The following POLR3E variants were observed in gnomAD, a reference collection of about 807,000 sequenced individuals.
POLR3E encodes RNA polymerase III subunit E, also known as DNA-directed RNA polymerase III subunit RPC5.
POLR3E carries 41 observed loss-of-function variants against 96.6 expected under a neutral mutation model. The observed-to-expected ratio is 0.42, with a 90% CI of 0.33 to 0.55. The LOEUF (loss-of-function observed/expected upper bound fraction) is 0.55. Ranked by LOEUF, POLR3E falls within the 20% of genes least tolerant of loss-of-function variation. The pLI is 0.06. For missense variants in POLR3E, 849 were observed against 952.1 expected, an observed-to-expected ratio of 0.89 and a Z score of 1.43; for synonymous variants, 396 against 383.6, an observed-to-expected ratio of 1.03 and a Z score of -0.38.
rs773451208 is a variant in POLR3E at position 22,325,219 on chromosome 16, A to G, written c.1301A>G (p.Tyr434Cys). 2 of 1,613,348 alleles carry G rather than the reference A, an allele frequency of 1.2e-6. No homozygotes were observed. Among genetic ancestry groups the G allele is most frequent in the Admixed American group, 1.7e-5 (1 of 59,986 alleles). ...CTTCTTTTCAGACTGGAAAAAGTCT[A>G]TAATCTTGTAAAGGAAACCATGCCA... Reference protein sequence around the residue: ...TGIQAKLEKVYNLVKETMPKK... With the variant: ...TGIQAKLEKVCNLVKETMPKK... Residue 434 changes from tyrosine (Y) to cysteine (C), a missense_variant, in exon 17 of 21, where the codon TAT becomes TGT. Coordinates refer to ENST00000299853, the MANE Select transcript of POLR3E (RefSeq NM_018119.4).
At chr16:22,320,240 G>A (rs1450849951) in intron 13 of POLR3E, among the ~76,000 whole-genome samples, 1 of 151,932 alleles carries the variant, frequency 6.6e-6, no homozygotes, top group African/African-American at 2.4e-5. Flanking sequence ...TATATGTACT[G>A]CCGAAGAGAG....
chr16:22,327,394 C>T (rs2048621539), intron 18 of POLR3E: 1 of 152,338 alleles, frequency 6.6e-6, no homozygotes, highest in South Asian at 2.1e-4. Flanking sequence ...CACCTTTCTT[C>T]ATGAGCTGGG....
chr16:22,311,360 C>T (rs1187789265), intron 6 of POLR3E, among the ~76,000 whole-genome samples: 1 of 149,904 alleles, frequency 6.7e-6, no homozygotes, highest in Non-Finnish European at 1.5e-5. Flanking sequence ...ATGTCATAGG[C>T]CTTCACATTC....
chr16:22,303,994 A>G (rs1324591246), intron 2 of POLR3E, among the ~76,000 whole-genome samples: 1 of 151,724 alleles, frequency 6.6e-6, no homozygotes, highest in Admixed American at 6.6e-5. Flanking sequence ...TATTTTTAGT[A>G]GAGATGGGAT....
intron 18 of POLR3E, 188 bp from the exon 19 acceptor site, chr16:22,328,322 C>T: frequency 1.7e-6 from 1 of 599,160 alleles, no homozygotes. Context: ...TGCTGGCCTC[C>T]TCCCCATGGT....
At chr16:22,329,318 A>G (rs1429981480) in intron 19 of POLR3E, among the ~76,000 whole-genome samples, 1 of 152,154 alleles carries the variant, frequency 6.6e-6, no homozygotes, top group African/African-American at 2.4e-5. Flanking sequence ...TTTTGCCTCT[A>G]GTCATACTGT....
In POLR3E at chr16:22,326,189, C is replaced by A. The variant is rs377754724; in HGVS notation, c.1777C>A (p.Pro593Thr). The change falls in exon 18 of 21, where the codon CCC becomes ACC. Residue 593 changes from proline (P) to threonine (T), a missense_variant. Pro to Thr is a conservative substitution (Grantham distance 38). Transcript: ENST00000299853. The stretch of plus-strand genomic sequence containing the variant: ...CTTCAATCTGCACTTGGCCAGCCTG[C>A]CCCCCGGCCACACACTCTTCAGCGG... The part of the protein sequence containing the change: ...RLFNLHLASL[P>T]PGHTLFSGIS... 3.7e-6 allele frequency: 6 copies of A among 1,613,770 alleles called. No individual in the cohort carries two copies. The highest frequency in any genetic ancestry group is 4.2e-6 in the Non-Finnish European group (5 of 1,179,932).
intron 9 of POLR3E, 110 bp from the exon 10 acceptor site, chr16:22,316,491 A>G: frequency 1.3e-6 from 1 of 768,864 alleles, no homozygotes; most frequent in Admixed American, 2.2e-5. Flanking sequence ...AGGAGGTTGG[A>G]TGTGGTCCTG....
intron 4 of POLR3E, among the ~76,000 whole-genome samples, 199 bp from the exon 5 acceptor site, chr16:22,308,726 C>T (rs1056356581): frequency 6.6e-6 from 1 of 152,212 alleles, no homozygotes; most frequent in Non-Finnish European, 1.5e-5. Flanking sequence ...GGACTCTCCA[C>T]TTCCTTCTGA....
At chr16:22,309,600 C>T in intron 6 of POLR3E, 90 bp downstream of exon 6, 2 of 926,572 alleles carry the variant, frequency 2.2e-6, no homozygotes, top group Non-Finnish European at 3.6e-6. Context: ...GTCCATCTCC[C>T]ACCTGCCCTG....
At chr16:22,330,081 G>C (rs2048704334) in intron 19 of POLR3E, among the ~76,000 whole-genome samples, 1 of 147,900 alleles carries the variant, frequency 6.8e-6, no homozygotes, top group Admixed American at 6.7e-5. Flanking sequence ...TTTTGAGATA[G>C]ATAGCGTCTT....
intron 6 of POLR3E, among the ~76,000 whole-genome samples, chr16:22,310,900 C>T (rs1408298452): frequency 6.6e-6 from 1 of 151,968 alleles, no homozygotes; most frequent in East Asian, 1.9e-4. Context: ...CCAGCCTGGG[C>T]AATAGAGCAA....
Position 22,325,771 on chromosome 16 carries a change from G to T in POLR3E, c.1359G>T (p.Gly453=), listed in dbSNP as rs2048569179. 1.9e-6 allele frequency: 3 copies of T among 1,565,304 alleles called. No individual in the cohort carries two copies. In the African/African-American group the frequency reaches 4.1e-5, roughly 21 times the overall value. ...KKPDAQSGPA[G]LVCGDQRIQV... The stretch of plus-strand genomic sequence containing the variant: ...CCTCCCTCCCCGCAGGGCCTGCCGG[G>T]CTGGTCTGTGGGGACCAGCGGATCC... The change falls in exon 18 of 21, where the codon GGG becomes GGT. Residue 453 remains glycine (G), a synonymous_variant. Coordinates refer to ENST00000299853, the MANE Select transcript of POLR3E (RefSeq NM_018119.4).
chr16:22,301,515 A>T (rs2048019380), intron 1 of POLR3E, among the ~76,000 whole-genome samples: 1 of 152,150 alleles, frequency 6.6e-6, no homozygotes, highest in Non-Finnish European at 1.5e-5. Flanking sequence ...TAAGAAGCAG[A>T]GGTTGCAGTG....
Position 22,302,995 on chromosome 16 carries a change from T to G in POLR3E, c.27T>G (p.Val9=), listed in dbSNP as rs1425773440. 3 of 1,614,040 alleles carry G rather than the reference T, an allele frequency of 1.9e-6. No individual in the cohort carries two copies. The highest frequency in any genetic ancestry group is 2.2e-5 in the South Asian group (2 of 91,082). The change falls in exon 2 of 21, where the codon GTT becomes GTG. Residue 9 remains valine, a synonymous_variant. Transcript: ENST00000299853. ...TGGCCAATGAAGAGGATGACCCAGT[T>G]GTACAGGAGGTAACTGCTGCTCTCT... MANEEDDP[V]VQEIDVYLAK... is the part of the protein sequence containing the mutation.
intron 20 of POLR3E, among the ~76,000 whole-genome samples, chr16:22,333,213 G>A (rs887175900): frequency 2.0e-5 from 3 of 151,054 alleles, no homozygotes; most frequent in Non-Finnish European, 4.4e-5. Context: ...AGCGCTTTGG[G>A]AGGCTGAGGT....
chr16:22,309,302 T>C, intron 5 of POLR3E, 126 bp from the exon 6 acceptor site: 1 of 802,890 alleles, frequency 1.2e-6, no homozygotes, highest in Non-Finnish European at 2.2e-6. Context: ...CCGCGTAGGC[T>C]GCCCTGCGGC....
intron 16 of POLR3E, among the ~76,000 whole-genome samples, chr16:22,324,925 C>T (rs998922102): frequency 6.6e-6 from 1 of 152,162 alleles, no homozygotes; most frequent in Non-Finnish European, 1.5e-5. Flanking sequence ...TGGCCGTGCT[C>T]TGAGGGCTCA....
Position 22,330,988 on chromosome 16 carries a change from C to CTTTTTTTTTTTT in POLR3E, c.1945-1049_1945-1038dup, listed in dbSNP as rs56100056. On this transcript the variant is annotated intron_variant, in intron 19 of 20. Transcript: ENST00000299853. ...GACAAATAGTGATACATGAAGCATC[C>CTTTTTTTTTTTT]TTTTTTTTTTTTTTTTTTTTTTTTT... Among the ~76,000 whole-genome samples, 31 of 50,764 alleles carry CTTTTTTTTTTTT rather than the reference C, an allele frequency of 6.1e-4. 11 individuals carry two copies. Among genetic ancestry groups the CTTTTTTTTTTTT allele is most frequent in the Non-Finnish European group, 9.3e-4 (24 of 25,916 alleles). 33.3% of individuals were successfully genotyped at this position (50,764 alleles called of 152,430 possible). A position where few individuals can be genotyped will look rare whatever the true frequency, so the allele number is the denominator to read the frequency against.
Sources: allele counts gnomAD v4.1 joint callset (sites outside exome capture counted in the v4.1 genomes callset), GRCh38; gene constraint gnomAD v4.1.1; transcripts MANE v1.5; gene names NCBI Gene and HGNC (gene_info 2026-07-23, HGNC 2026-07-21).